FYB1: variants seen among roughly 807,000 people sequenced by gnomAD.
FYB1 encodes the protein FYN-binding protein 1.
Under a neutral mutation model 94.1 loss-of-function variants are expected in FYB1, and 41 were observed. The ratio of observed to expected loss-of-function variants is 0.44; its 90% CI spans 0.34 to 0.57. The LOEUF (loss-of-function observed/expected upper bound fraction) is 0.57. FYB1 is among the 20% of genes least tolerant of loss of function. The pLI is 0.02. For synonymous variants in FYB1, 367 were observed against 353.2 expected (o/e 1.04, Z -0.44); for missense variants, 1,050 against 976.8 (o/e 1.07, Z -1.00).
intron 2 of FYB1, among the ~76,000 whole-genome samples, chr5:39,156,040 A>C (rs2150364533): frequency 6.6e-6 from 1 of 152,232 alleles, no homozygotes; most frequent in Middle Eastern, 3.4e-3. Flanking sequence ...TAGAGAGAAA[A>C]ATATTTATTA....
intron 3 of FYB1, among the ~76,000 whole-genome samples, chr5:39,141,741 G>T (rs1742205124): frequency 6.6e-6 from 1 of 152,076 alleles, no homozygotes. Flanking sequence ...GCATGGTAGT[G>T]CACGTCTGTA....
intron 2 of FYB1, among the ~76,000 whole-genome samples, chr5:39,166,910 G>A (rs539512262): frequency 6.6e-6 from 1 of 151,678 alleles, no homozygotes; most frequent in African/African-American, 2.4e-5. Context: ...TACTACACAC[G>A]GTATCCATGA....
chr5:39,171,255 T>C (rs1238870349), intron 2 of FYB1, among the ~76,000 whole-genome samples: 1 of 151,514 alleles, frequency 6.6e-6, no homozygotes, highest in East Asian at 1.9e-4. Flanking sequence ...GTGCCACTGC[T>C]CTCTAGCCTG....
intron 2 of FYB1, among the ~76,000 whole-genome samples, chr5:39,201,246 A>G (rs951738502): frequency 2.0e-5 from 3 of 152,192 alleles, no homozygotes; most frequent in Admixed American, 6.5e-5. Context: ...TCATCTCTGT[A>G]CTATTGACAT....
chr5:39,127,139 T>C lies in FYB1; in HGVS notation c.1907+602A>G, dbSNP rs905374350. On this transcript the variant is annotated intron_variant, in intron 11 of 18. Coordinates refer to ENST00000512982, the MANE Select transcript of FYB1 (RefSeq NM_001465.6). Reference sequence around the variant, plus strand: ...AAATGGAAAAAGAAAATTTATTTTCTTATTGACCTAAAATATTTTTATGTT... The same window carrying C: ...AAATGGAAAAAGAAAATTTATTTTCCTATTGACCTAAAATATTTTTATGTT... Among the ~76,000 whole-genome samples, 10 of 151,196 alleles carry C rather than the reference T, an allele frequency of 6.6e-5. 1 individual carries two copies. The highest frequency in any genetic ancestry group is 2.4e-4 in the African/African-American group (10 of 41,324).
intron 1 of FYB1, among the ~76,000 whole-genome samples, chr5:39,261,288 C>T (rs187381851): frequency 3.7e-5 from 5 of 134,332 alleles, no homozygotes; most frequent in South Asian, 2.5e-4. Flanking sequence ...CATGTATCTC[C>T]GAACTTAAAG....
intron 2 of FYB1, among the ~76,000 whole-genome samples, chr5:39,167,773 T>G (rs929809090): frequency 6.6e-6 from 1 of 152,262 alleles, no homozygotes; most frequent in Admixed American, 6.5e-5. Context: ...CTGTAGGATC[T>G]GCCAATTGTC....
At chr5:39,238,216 G>T (rs1751054517) in intron 1 of FYB1, among the ~76,000 whole-genome samples, 1 of 151,868 alleles carries the variant, frequency 6.6e-6, no homozygotes, top group South Asian at 2.1e-4. Flanking sequence ...ATGTATATGT[G>T]TGTATATATA....
At chr5:39,214,634 A>G (rs866725666) in intron 1 of FYB1, among the ~76,000 whole-genome samples, 4 of 152,316 alleles carry the variant, frequency 2.6e-5, no homozygotes, top group Middle Eastern at 3.4e-3. Context: ...CAGTCACGAA[A>G]CAACAAGTAT....
chr5:39,119,678 A>T (rs2150280169), intron 14 of FYB1, 44 bp from the exon 15 acceptor site: 1 of 1,435,732 alleles, frequency 7.0e-7, no homozygotes. Flanking sequence ...TGTTTAGAAA[A>T]TTAAAAAGAA....
intron 14 of FYB1, among the ~76,000 whole-genome samples, 159 bp downstream of exon 14, chr5:39,122,177 T>A (rs1740182116): frequency 6.6e-6 from 1 of 151,630 alleles, no homozygotes. Flanking sequence ...GCAGGGAGGG[T>A]AGAGCTGAGA....
intron 2 of FYB1, among the ~76,000 whole-genome samples, chr5:39,177,368 G>C (rs554490393): frequency 6.6e-6 from 1 of 152,162 alleles, no homozygotes; most frequent in African/African-American, 2.4e-5. Flanking sequence ...AATTCACAGA[G>C]CTATAGAGCT....
Position 39,118,953 on chromosome 5 carries a change from C to A in FYB1, c.2322G>T (p.Gln774His). 6.4e-7 allele frequency: 1 copy of A among 1,570,234 alleles called. No individual in the cohort carries two copies. The highest frequency in any genetic ancestry group is 8.7e-7 in the Non-Finnish European group (1 of 1,151,622). The change falls in exon 16 of 19, where the codon CAG becomes CAT. Residue 774 changes from glutamine (Q) to histidine (H), a missense_variant. Coordinates refer to ENST00000512982, the MANE Select transcript of FYB1 (RefSeq NM_001465.6). ...CTTCTAGAGATTCACCAGGTTTTAC[C>A]TGTAGATCTCTGGTTCCCCACTTTT... ...TSKKWGTRDLQVKPGESLEVI... is the reference protein window; with the variant it reads ...TSKKWGTRDLHVKPGESLEVI...
At chr5:39,226,495 C>T in intron 1 of FYB1, among the ~76,000 whole-genome samples, 1 of 152,070 alleles carries the variant, frequency 6.6e-6, no homozygotes, top group East Asian at 1.9e-4. Flanking sequence ...GCTTTTGCTT[C>T]TCTCACTTCA....
At chr5:39,184,600 A>G (rs1746576256) in intron 2 of FYB1, among the ~76,000 whole-genome samples, 1 of 152,214 alleles carries the variant, frequency 6.6e-6, no homozygotes, top group South Asian at 2.1e-4. Flanking sequence ...AATTAATTTC[A>G]TATTTGCAGA....
intron 1 of FYB1, among the ~76,000 whole-genome samples, chr5:39,228,038 T>C (rs1750559577): frequency 6.6e-6 from 1 of 152,164 alleles, no homozygotes; most frequent in Admixed American, 6.6e-5. Context: ...AGTGCATCTC[T>C]CTAAGATCAA....
At position 39,202,632 on chromosome 5, in the gene FYB1, A is replaced by G. The variant is rs1301023193; in HGVS notation, c.329T>C (p.Leu110Pro). ...TRDPEAKVGF[L>P]KPVGPKPINL... ...GATGGGCTTGGGGCCTACAGGTTTCAGAAATCCCACTTTCGCCTCGGGGTC... is the reference window on the plus strand; with the variant it reads ...GATGGGCTTGGGGCCTACAGGTTTCGGAAATCCCACTTTCGCCTCGGGGTC... The change falls in exon 2 of 19, where the codon CTG (leucine) becomes CCG (proline). Residue 110 changes from leucine (L) to proline (P), a missense_variant. Leu to Pro is a moderately conservative substitution (Grantham distance 98, BLOSUM62 -3). Coordinates refer to ENST00000512982, the MANE Select transcript of FYB1 (RefSeq NM_001465.6). The G allele has an allele frequency of 1.2e-6, 2 of 1,613,646 alleles. No individual in the cohort carries two copies. The highest frequency in any genetic ancestry group is 1.7e-6 in the Non-Finnish European group (2 of 1,179,852).
chr5:39,145,660 T>C (rs1167752084), intron 3 of FYB1, among the ~76,000 whole-genome samples: 1 of 152,186 alleles, frequency 6.6e-6, no homozygotes, highest in Non-Finnish European at 1.5e-5. Context: ...TACACTGACA[T>C]TGTACAGAGT....
chr5:39,201,757 C>G, intron 2 of FYB1, 69 bp downstream of exon 2: 4 of 1,377,600 alleles, frequency 2.9e-6, no homozygotes, highest in Non-Finnish European at 4.0e-6. Context: ...ACAAAACTTT[C>G]CCCAGAAGCT....
Sources: allele counts gnomAD v4.1 joint callset (sites outside exome capture counted in the v4.1 genomes callset), GRCh38; gene constraint gnomAD v4.1.1; transcripts MANE v1.5; gene names NCBI Gene and HGNC (gene_info 2026-07-23, HGNC 2026-07-21).